The following CPED1 variants were observed in gnomAD, a reference collection of about 807,000 sequenced individuals.
The protein encoded by CPED1 is cadherin-like and PC-esterase domain-containing protein 1.
A neutral mutation model predicts 128.2 loss-of-function variants in CPED1; 114 were observed. The observed-to-expected ratio is 0.89, with a 90% CI of 0.76 to 1.04. The LOEUF (loss-of-function observed/expected upper bound fraction) is 1.04, where lower values mean the gene tolerates loss of function less well. CPED1 is among the 50% of genes least tolerant of loss of function. The pLI, the probability that CPED1 is intolerant of heterozygous loss-of-function variation, is 0.00. For missense variants in CPED1, 1,211 were observed against 1,207.1 expected, an observed-to-expected ratio of 1.00 and a Z score of -0.05; for synonymous variants, 462 against 426.7, an observed-to-expected ratio of 1.08 and a Z score of -1.02.
intron 16 of CPED1, among the ~76,000 whole-genome samples, chr7:121,199,921 A>G (rs1797357352): frequency 6.6e-6 from 1 of 152,164 alleles, no homozygotes; most frequent in Admixed American, 6.5e-5. Context: ...TAATCAGTAT[A>G]AAAATTACTA....
intron 5 of CPED1, among the ~76,000 whole-genome samples, chr7:121,088,762 G>GAAAAAAAAAAAAAAAAAAA (rs1794502098): frequency 2.3e-4 from 1 of 4,398 alleles, no homozygotes; most frequent in Non-Finnish European, 4.7e-4. Context: ...GCAAAAATTG[G>GAAAAAAAAAAAAAAAAAAA]CAAAAAAAAA....
chr7:121,068,705 C>A (rs944970440), intron 5 of CPED1, among the ~76,000 whole-genome samples: 1 of 150,134 alleles, frequency 6.7e-6, no homozygotes. Flanking sequence ...TTACCTTGGG[C>A]AGTATGGCCA....
At chr7:121,044,708 A>G (rs1041769493) in intron 3 of CPED1, among the ~76,000 whole-genome samples, 1 of 113,238 alleles carries the variant, frequency 8.8e-6, no homozygotes, top group Non-Finnish European at 1.8e-5. Context: ...TGTTCTGTTC[A>G]CAGAAGGTTC....
chr7:121,292,511 C>T (rs1042448198), intron 22 of CPED1, among the ~76,000 whole-genome samples: 1 of 152,016 alleles, frequency 6.6e-6, no homozygotes, highest in African/African-American at 2.4e-5. Flanking sequence ...CTGAAGCCTA[C>T]TTCTGTCAAT....
At chr7:121,243,243 C>T (rs1259134086) in intron 17 of CPED1, among the ~76,000 whole-genome samples, 1 of 152,016 alleles carries the variant, frequency 6.6e-6, no homozygotes, top group Non-Finnish European at 1.5e-5. Context: ...TGCATATGTT[C>T]TCCAACAAGG....
chr7:121,200,862 C>A (rs1324294515), intron 16 of CPED1, among the ~76,000 whole-genome samples: 4 of 151,926 alleles, frequency 2.6e-5, no homozygotes, highest in Non-Finnish European at 5.9e-5. Context: ...ACAATGAGAG[C>A]AATAGTGTCA....
chr7:121,046,450 CA>C (rs1563004234), intron 3 of CPED1, among the ~76,000 whole-genome samples: 1 of 152,036 alleles, frequency 6.6e-6, no homozygotes, highest in East Asian at 1.9e-4. Context: ...AAGCCCAGAA[CA>C]AAATATTTGA....
intron 2 of CPED1, among the ~76,000 whole-genome samples, chr7:121,006,368 T>G (rs1341168790): frequency 1.3e-5 from 2 of 152,050 alleles, no homozygotes; most frequent in East Asian, 3.9e-4. Flanking sequence ...ATAAGAAACC[T>G]CATAGAGTCA....
intron 18 of CPED1, among the ~76,000 whole-genome samples, chr7:121,261,014 A>G (rs1241863602): frequency 6.6e-6 from 1 of 152,066 alleles, no homozygotes; most frequent in Non-Finnish European, 1.5e-5. Flanking sequence ...CTACCTTTGT[A>G]TTGATTCAAC....
At chr7:121,179,169 T>G (rs1438656337) in intron 16 of CPED1, among the ~76,000 whole-genome samples, 1 of 152,096 alleles carries the variant, frequency 6.6e-6, no homozygotes, top group Non-Finnish European at 1.5e-5. Flanking sequence ...AGCCAACCTG[T>G]TGGCCTAGTC....
Position 121,000,242 on chromosome 7 carries a change from G to C in CPED1, c.249+10372G>C, listed in dbSNP as rs143634157. 2.8e-4 allele frequency among the ~76,000 whole-genome samples: 42 copies of C among 152,156 alleles called. 2 individuals are homozygous for C. In the East Asian group the frequency reaches 7.1e-3, roughly 26 times the overall value. On this transcript the variant is annotated intron_variant, in intron 2 of 22. Transcript: ENST00000310396. ...GCTCATGTTCTAACATAGGATTTAC[G>C]TTCTGTGGCAGAAACTACACCAAAT...
chr7:121,201,820 C>G (rs1797407697), intron 16 of CPED1, among the ~76,000 whole-genome samples: 1 of 152,100 alleles, frequency 6.6e-6, no homozygotes, highest in Non-Finnish European at 1.5e-5. Flanking sequence ...GACAAATCCT[C>G]CTTTTAGAAG....
chr7:121,277,469 C>T (rs1430282431), intron 22 of CPED1, among the ~76,000 whole-genome samples: 1 of 152,094 alleles, frequency 6.6e-6, no homozygotes, highest in Non-Finnish European at 1.5e-5. Flanking sequence ...TCATTGACAT[C>T]CTGCGTGAAC....
At chr7:121,030,208 C>T (rs1026381667) in intron 3 of CPED1, among the ~76,000 whole-genome samples, 3 of 150,428 alleles carry the variant, frequency 2.0e-5, no homozygotes, top group African/African-American at 7.5e-5. Flanking sequence ...TACCTCCTGC[C>T]TCTTTACAAA....
At chr7:121,012,046 C>T (rs199818710) in intron 2 of CPED1, among the ~76,000 whole-genome samples, 1 of 152,262 alleles carries the variant, frequency 6.6e-6, no homozygotes, top group East Asian at 1.9e-4. Flanking sequence ...TGTGAGAAAA[C>T]TCTGATGTGT....
intron 7 of CPED1, among the ~76,000 whole-genome samples, chr7:121,119,236 T>A (rs1018207988): frequency 1.9e-5 from 1 of 52,020 alleles, no homozygotes; most frequent in African/African-American, 4.6e-5. Flanking sequence ...CTAAAAAAGA[T>A]ATTTTTTTTT....
At chr7:121,216,236 TCTG>T (rs1797756345) in intron 16 of CPED1, among the ~76,000 whole-genome samples, 1 of 151,516 alleles carries the variant, frequency 6.6e-6, no homozygotes, top group Non-Finnish European at 1.5e-5. Flanking sequence ...GCTGGACAGT[TCTG>T]CTGTCTTGTG....
intron 17 of CPED1, among the ~76,000 whole-genome samples, chr7:121,242,237 T>C (rs1798413754): frequency 6.6e-6 from 1 of 152,190 alleles, no homozygotes; most frequent in Non-Finnish European, 1.5e-5. Context: ...ATTTTTGAGG[T>C]TTAGCATTAT....
rs1230735764 is a variant in CPED1, at chr7:121,015,781, T to C, written c.366T>C (p.His122=). The change falls in exon 3 of 23, where the codon CAT becomes CAC. Residue 122 remains histidine, a synonymous_variant. Coordinates refer to ENST00000310396, the MANE Select transcript of CPED1 (RefSeq NM_024913.5). Reference sequence around the variant, plus strand: ...TACACCAGCACATTCTGACTCAACATGGCTATACGGTTGTCATCGCTGAAG... The same window carrying C: ...TACACCAGCACATTCTGACTCAACACGGCTATACGGTTGTCATCGCTGAAG... ...LQLHQHILTQ[H]GYTVVIAEER... The C allele has an allele frequency of 6.2e-7, 1 of 1,610,720 alleles. No homozygotes were observed. The highest frequency in any genetic ancestry group is 8.5e-7 in the Non-Finnish European group (1 of 1,178,802).
Sources: gnomAD v4.1 joint callset for allele counts (sites outside exome capture counted in the v4.1 genomes callset) on GRCh38, gnomAD v4.1.1 for gene constraint, MANE v1.5 for transcripts, NCBI Gene and HGNC (gene_info 2026-07-23, HGNC 2026-07-21) for gene names.